Variants in SYNE1 observed in about 807,000 individuals in gnomAD.
The protein encoded by SYNE1 is spectrin repeat containing nuclear envelope protein 1, also known as nesprin-1.
A neutral mutation model predicts 1,111.0 loss-of-function variants in SYNE1; 616 were observed. The observed-to-expected ratio is 0.55, with a 90% CI of 0.52 to 0.59. The LOEUF (loss-of-function observed/expected upper bound fraction) is 0.59. Ranked by LOEUF, SYNE1 falls within the 20% of genes least tolerant of loss-of-function variation. SYNE1 has a pLI of 0.00. For missense variants in SYNE1, 10,006 were observed against 10,417.0 expected (o/e 0.96, Z 1.72); for synonymous variants, 3,855 against 3,825.8 (o/e 1.01, Z -0.28).
chr6:152,194,220 T>C (rs1261460009), intron 127 of SYNE1, among the ~76,000 whole-genome samples: 4 of 150,796 alleles, frequency 2.7e-5, no homozygotes, highest in African/African-American at 4.9e-5. Flanking sequence ...TTAGCTTTTG[T>C]TTGTTTGAAA....
intron 3 of SYNE1, among the ~76,000 whole-genome samples, chr6:152,564,910 A>G (rs892518736): frequency 1.3e-5 from 2 of 152,218 alleles, no homozygotes; most frequent in Non-Finnish European, 2.9e-5. Flanking sequence ...ACCTCCTAGA[A>G]TCACTGTAAA....
intron 3 of SYNE1, among the ~76,000 whole-genome samples, chr6:152,562,356 C>T (rs2099397788): frequency 6.6e-6 from 1 of 152,162 alleles, no homozygotes; most frequent in Non-Finnish European, 1.5e-5. Context: ...GACATCACCT[C>T]ATGCATTAGG....
chr6:152,457,004 A>T (rs1001638633), intron 22 of SYNE1, among the ~76,000 whole-genome samples: 2 of 152,188 alleles, frequency 1.3e-5, no homozygotes, highest in Non-Finnish European at 2.9e-5. Context: ...TAATAATGCT[A>T]TGAACATTAT....
chr6:152,350,022 A>G, intron 72 of SYNE1, 146 bp downstream of exon 72: 1 of 1,081,216 alleles, frequency 9.2e-7, no homozygotes, highest in South Asian at 1.4e-5. Context: ...ACGGACTAAT[A>G]CAGACCTGAT....
chr6:152,378,307 C>T (rs1274726524), intron 56 of SYNE1, among the ~76,000 whole-genome samples: 2 of 152,220 alleles, frequency 1.3e-5, no homozygotes, highest in African/African-American at 2.4e-5. Context: ...CAAGAGATGG[C>T]CCAGATTTGT....
rs1487766617 is a variant in SYNE1, at chr6:152,318,071, G to A, written c.16572+10C>T. On this transcript the variant is annotated intron_variant, in intron 86 of 145. Transcript: ENST00000367255. The stretch of plus-strand genomic sequence containing the variant: ...TTACACGATTTGGATTTCTGGCCCG[G>A]AACACATACCTGATTGAGCTTGGAG... 6.2e-7 allele frequency: 1 copy of A among 1,614,142 alleles called. No homozygotes were observed. Among genetic ancestry groups the A allele is most frequent in the Admixed American group, 1.7e-5 (1 of 60,018 alleles).
In SYNE1 at chr6:152,373,021, G is replaced by A. The variant is rs1300770671; in HGVS notation, c.9507+16C>T. The A allele has an allele frequency of 1.9e-6, 3 of 1,611,520 alleles. No homozygotes were observed. The highest frequency in any genetic ancestry group is 4.5e-5 in the East Asian group (2 of 44,862). ...CAAATAACACAGAATGCTTCCATGT[G>A]GTTGGCTATATATACCTCTAGAGCA... On this transcript the variant is annotated intron_variant, in intron 59 of 145. Coordinates refer to ENST00000367255, the MANE Select transcript of SYNE1 (RefSeq NM_182961.4).
intron 129 of SYNE1, among the ~76,000 whole-genome samples, chr6:152,178,841 AATTAAAATAAC>A (rs1238431675): frequency 6.6e-6 from 1 of 152,222 alleles, no homozygotes; most frequent in African/African-American, 2.4e-5. Flanking sequence ...GAGAAGCACA[AATTAAAATAAC>A]ATTAAAATCA....
chr6:152,496,060 G>GC (rs2098997737), intron 11 of SYNE1, among the ~76,000 whole-genome samples: 1 of 151,924 alleles, frequency 6.6e-6, no homozygotes, highest in Admixed American at 6.6e-5. Flanking sequence ...CTTCTTCTGT[G>GC]ACTCCTCTAC....
chr6:152,363,695 G>C (rs2096991916), intron 63 of SYNE1: 1 of 454,216 alleles, frequency 2.2e-6, no homozygotes, highest in Non-Finnish European at 4.4e-6. Flanking sequence ...ATTGCTCCTA[G>C]ATCTCTTAGC....
At chr6:152,336,818 CT>C in intron 76 of SYNE1, 22 bp downstream of exon 76, 1 of 1,610,542 alleles carries the variant, frequency 6.2e-7, no homozygotes, top group Non-Finnish European at 8.5e-7. Flanking sequence ...TTTTATCTCC[CT>C]TGGGGGCAAA....
At position 152,230,718 on chromosome 6, in the gene SYNE1, A is replaced by G; in HGVS notation, c.21040-16T>C. 1 of 1,613,388 alleles carries G rather than the reference A, an allele frequency of 6.2e-7. No individual in the cohort carries two copies. The highest frequency in any genetic ancestry group is 1.3e-5 in the African/African-American group (1 of 75,048). ...ACAGCTGGATCTGAACAAACACAAT[A>G]AAATGAAATTTGCAACTTTATTTTA... On this transcript the variant is annotated splice_polypyrimidine_tract_variant and intron_variant, in intron 114 of 145. Transcript: ENST00000367255.
At chr6:152,551,156 A>G (rs1392661674) in intron 3 of SYNE1, among the ~76,000 whole-genome samples, 1 of 152,182 alleles carries the variant, frequency 6.6e-6, no homozygotes, top group African/African-American at 2.4e-5. Flanking sequence ...TAATGAAAAT[A>G]CCTTTTACCT....
Position 152,323,492 on chromosome 6 carries a change from T to TTGCATGGC in SYNE1, c.15895_15902dup (p.Asp5302ProfsTer7). 1 of 1,613,932 alleles carries TTGCATGGC rather than the reference T, an allele frequency of 6.2e-7. No homozygotes were observed. Among genetic ancestry groups the TTGCATGGC allele is most frequent in the Non-Finnish European group, 8.5e-7 (1 of 1,180,032 alleles). On this transcript the variant is annotated frameshift_variant, in exon 82 of 146. Transcript: ENST00000367255. LOFTEE classifies it high-confidence loss of function. ...TGCTTAATTACTTCAGGCACCGATC[T>TTGCATGGC]TGCATGGCGGTGATTTCCTGCATGA...
chr6:152,244,510 CTGAA>C, intron 106 of SYNE1, 23 bp downstream of exon 106: 1 of 1,613,830 alleles, frequency 6.2e-7, no homozygotes, highest in East Asian at 2.2e-5. Context: ...ACCCCTGCAG[CTGAA>C]TACTACTGGC....
At chr6:152,359,200 G>A in intron 65 of SYNE1, 115 bp downstream of exon 65, 1 of 1,432,734 alleles carries the variant, frequency 7.0e-7, no homozygotes, top group Non-Finnish European at 9.8e-7. Context: ...AATTCATTTT[G>A]CTTTTGTTCT....
At chr6:152,305,027 G>T (rs2153821681) in intron 91 of SYNE1, among the ~76,000 whole-genome samples, 1 of 152,152 alleles carries the variant, frequency 6.6e-6, no homozygotes, top group Middle Eastern at 3.4e-3. Context: ...AAAATAAAAT[G>T]GAACACTTGG....
chr6:152,212,641 T>C (rs1446028038), intron 123 of SYNE1, among the ~76,000 whole-genome samples: 1 of 152,182 alleles, frequency 6.6e-6, no homozygotes, highest in Non-Finnish European at 1.5e-5. Flanking sequence ...CCTGAGTATA[T>C]ACCTAGGAGT....
rs566739333 is a variant in SYNE1, at chr6:152,608,386, C to T, written c.67+19879G>A. On this transcript the variant is annotated intron_variant, in intron 3 of 145. Coordinates refer to ENST00000367255, the MANE Select transcript of SYNE1 (RefSeq NM_182961.4). ...CTATTTATAATAAGTGCTCTAATTACAGGTAAATGTAGTGTTCATAATTTT... is the reference window on the plus strand; with the variant it reads ...CTATTTATAATAAGTGCTCTAATTATAGGTAAATGTAGTGTTCATAATTTT... Among the ~76,000 whole-genome samples, 4 of 152,164 alleles carry T rather than the reference C, an allele frequency of 2.6e-5. No homozygotes were observed. In the South Asian group the frequency reaches 8.3e-4, roughly 32 times the overall value.
Sources: gnomAD v4.1 joint callset for allele counts (sites outside exome capture counted in the v4.1 genomes callset) on GRCh38, gnomAD v4.1.1 for gene constraint, MANE v1.5 for transcripts, NCBI Gene and HGNC (gene_info 2026-07-23, HGNC 2026-07-21) for gene names.